Variants in OR51B5 observed in about 807,000 individuals in gnomAD.
The protein encoded by OR51B5 is olfactory receptor 51B5.
For missense variants in OR51B5, 456 were observed against 374.6 expected (o/e 1.22, Z -1.79); for synonymous variants, 186 against 144.8 (o/e 1.28, Z -2.04).
chr11:5,503,282 G>C (rs1846323467), intron 1 of OR51B5, among the ~76,000 whole-genome samples: 1 of 152,084 alleles, frequency 6.6e-6, no homozygotes, highest in Admixed American at 6.5e-5. Flanking sequence ...CACAGCAACT[G>C]GTAATAGCAC....
rs530323328 is a variant in OR51B5, at chr11:5,377,562, C to A, written n.85-30652G>T. Among the ~76,000 whole-genome samples, 1,190 of 152,098 alleles carry A rather than the reference C, an allele frequency of 7.8e-3. 10 individuals are homozygous for A. Among genetic ancestry groups the A allele is most frequent in the African/African-American group, 0.027 (1,135 of 41,480 alleles). Reference sequence around the variant, plus strand: ...GACATGATTGTATATCTAGAAAACCCCCTTGTCTCAGCCCAAAATCTCCTT... The same window carrying A: ...GACATGATTGTATATCTAGAAAACCACCTTGTCTCAGCCCAAAATCTCCTT... On this transcript the variant is annotated intron_variant and non_coding_transcript_variant, in intron 1 of 4. Transcript: ENST00000415970.
chr11:5,379,617 G>T (rs1230984952), intron 1 of OR51B5, among the ~76,000 whole-genome samples: 1 of 151,922 alleles, frequency 6.6e-6, no homozygotes, highest in Non-Finnish European at 1.5e-5. Flanking sequence ...TATGCCATTT[G>T]TAAGATATGC....
chr11:5,344,364 C>T (rs901106678), upstream of OR51B5, among the ~76,000 whole-genome samples: 1 of 152,102 alleles, frequency 6.6e-6, no homozygotes, highest in Admixed American at 6.6e-5. Flanking sequence ...TTTCTATAGG[C>T]CTACTGAAGT....
At chr11:5,479,705 T>G (rs1275495506) in intron 1 of OR51B5, among the ~76,000 whole-genome samples, 1 of 149,704 alleles carries the variant, frequency 6.7e-6, no homozygotes, top group Non-Finnish European at 1.5e-5. Flanking sequence ...AGGCAGGGGT[T>G]GCAATCCTAG....
intron 1 of OR51B5, among the ~76,000 whole-genome samples, chr11:5,379,884 TTGTC>T (rs1170850239): frequency 6.6e-6 from 1 of 152,156 alleles, no homozygotes. Flanking sequence ...CACTTGCTCT[TTGTC>T]TGCTTTCTGC....
intron 1 of OR51B5, among the ~76,000 whole-genome samples, chr11:5,373,710 C>T (rs796130497): frequency 1.5e-4 from 23 of 152,112 alleles, no homozygotes; most frequent in African/African-American, 5.3e-4. Flanking sequence ...CCTACGCCCA[C>T]GGAGTCTCCC....
chr11:5,406,288 G>A (rs772487534), intron 1 of OR51B5, among the ~76,000 whole-genome samples: 11 of 151,878 alleles, frequency 7.2e-5, no homozygotes, highest in African/African-American at 7.3e-5. Context: ...GAATATCTTC[G>A]GCTTCATTCT....
At chr11:5,387,154 A>G (rs1849707856) in intron 1 of OR51B5, among the ~76,000 whole-genome samples, 1 of 152,194 alleles carries the variant, frequency 6.6e-6, no homozygotes, top group African/African-American at 2.4e-5. Flanking sequence ...ATATTTGAGC[A>G]ATGGAAATAA....
chr11:5,367,258 G>A (rs11601662), intron 1 of OR51B5, among the ~76,000 whole-genome samples: 16,859 of 152,194 alleles, frequency 0.11, 1,057 homozygotes, highest in South Asian at 0.15. Flanking sequence ...CCCTAAGAGA[G>A]GGTTCTTGGA....
intron 1 of OR51B5, among the ~76,000 whole-genome samples, chr11:5,491,757 G>C (rs1851583840): frequency 6.6e-6 from 1 of 152,162 alleles, no homozygotes; most frequent in Non-Finnish European, 1.5e-5. Context: ...AAACTTCCCT[G>C]ATTACCAATC....
intron 1 of OR51B5, among the ~76,000 whole-genome samples, chr11:5,379,796 C>T (rs1291241226): frequency 6.6e-6 from 1 of 152,140 alleles, no homozygotes; most frequent in African/African-American, 2.4e-5. Flanking sequence ...TGGTGGACAG[C>T]TTGATACTTT....
At chr11:5,411,053 T>C (rs1389835258) in intron 1 of OR51B5, among the ~76,000 whole-genome samples, 1 of 152,192 alleles carries the variant, frequency 6.6e-6, no homozygotes, top group African/African-American at 2.4e-5. Context: ...AAATTCAGCA[T>C]AGCCTAAATG....
intron 1 of OR51B5, among the ~76,000 whole-genome samples, chr11:5,405,760 C>T (rs772058505): frequency 2.0e-5 from 3 of 152,298 alleles, no homozygotes; most frequent in Non-Finnish European, 4.4e-5. Context: ...ATTTCTTGCA[C>T]AGTTAATGGT....
intron 1 of OR51B5, chr11:5,362,473 C>G (rs923766946): frequency 6.5e-6 from 1 of 154,420 alleles, no homozygotes; most frequent in Non-Finnish European, 1.4e-5. Context: ...ATCAGGTCTA[C>G]TGGATACTAT....
intron 1 of OR51B5, among the ~76,000 whole-genome samples, chr11:5,386,235 G>A (rs1428653446): frequency 6.6e-6 from 1 of 151,948 alleles, no homozygotes; most frequent in Non-Finnish European, 1.5e-5. Flanking sequence ...AGAAAAAAAT[G>A]ATATGGGTGT....
intron 1 of OR51B5, among the ~76,000 whole-genome samples, chr11:5,388,962 G>A (rs1849746275): frequency 6.6e-6 from 1 of 152,124 alleles, no homozygotes; most frequent in East Asian, 1.9e-4. Flanking sequence ...CTGAGATAAT[G>A]AAAAGTACAG....
chr11:5,500,567 C>A (rs1431851404), intron 1 of OR51B5, among the ~76,000 whole-genome samples: 5 of 147,910 alleles, frequency 3.4e-5, no homozygotes, highest in Non-Finnish European at 6.1e-5. Flanking sequence ...TCATAAGAGA[C>A]TCTGCCAAAA....
At chr11:5,502,262 C>T (rs1269013777) in intron 1 of OR51B5, among the ~76,000 whole-genome samples, 1 of 152,158 alleles carries the variant, frequency 6.6e-6, no homozygotes, top group East Asian at 1.9e-4. Context: ...CCTTCCTGAC[C>T]TTGCACTCAC....
chr11:5,350,857 C>T (rs559588911), intron 1 of OR51B5, among the ~76,000 whole-genome samples: 19 of 152,258 alleles, frequency 1.2e-4, no homozygotes, highest in East Asian at 9.6e-4. Flanking sequence ...GTCACTCTTA[C>T]GTCATTTTCT....
Sources: allele counts gnomAD v4.1 joint callset (sites outside exome capture counted in the v4.1 genomes callset), GRCh38; gene constraint gnomAD v4.1.1; transcripts MANE v1.5; gene names NCBI Gene and HGNC (gene_info 2026-07-23, HGNC 2026-07-21).